AKR1C8: variants seen among roughly 807,000 people sequenced by gnomAD.
AKR1C8 encodes aldo-keto reductase family 1 member C-like protein 1.
At chr10:5,132,001 T>C in the AKR1C8 span, among the ~76,000 whole-genome samples, 1 of 152,164 alleles carries the variant, frequency 6.6e-6, no homozygotes, top group Non-Finnish European at 1.5e-5. Flanking sequence ...ATGGTGTATA[T>C]GTAAAAAGGA....
At chr10:5,119,076 T>C in the AKR1C8 span, among the ~76,000 whole-genome samples, 9 of 152,338 alleles carry the variant, frequency 5.9e-5, no homozygotes, top group Non-Finnish European at 1.2e-4. Context: ...CTTACATGGT[T>C]TGTTTCATTC....
the AKR1C8 span, among the ~76,000 whole-genome samples, chr10:5,126,165 T>C: frequency 1.3e-5 from 2 of 152,000 alleles, no homozygotes; most frequent in Admixed American, 6.6e-5. Flanking sequence ...GGGTCTTCTT[T>C]CCCCCCTTGT....
At chr10:5,147,940 TCCACCCATGCATTA>T in the AKR1C8 span, among the ~76,000 whole-genome samples, 3 of 152,194 alleles carry the variant, frequency 2.0e-5, no homozygotes, top group African/African-American at 7.2e-5. Context: ...GGGTGGGGCC[TCCACCCATGCATTA>T]GGCTTCTGCC....
At chr10:5,133,132 G>C in the AKR1C8 span, among the ~76,000 whole-genome samples, 1 of 152,094 alleles carries the variant, frequency 6.6e-6, no homozygotes, top group East Asian at 1.9e-4. Flanking sequence ...ACCCAGGCTA[G>C]AGTACAGTGG....
At chr10:5,164,768 A>C in the AKR1C8 span, among the ~76,000 whole-genome samples, 3 of 152,110 alleles carry the variant, frequency 2.0e-5, no homozygotes, top group Non-Finnish European at 4.4e-5. Flanking sequence ...AAGAGGTCCT[A>C]AGACAACTGA....
At chr10:5,157,883 CAG>C in the AKR1C8 span, 3 of 389,438 alleles carry the variant, frequency 7.7e-6, no homozygotes, top group African/African-American at 2.1e-5. Flanking sequence ...CCAAATTCTC[CAG>C]AGAGTTGAGA....
At chr10:5,163,081 C>T in the AKR1C8 span, 6 of 460,582 alleles carry the variant, frequency 1.3e-5, no homozygotes, top group South Asian at 1.0e-4. Context: ...AATGCATTTC[C>T]CCCAATAGCA....
the AKR1C8 span, among the ~76,000 whole-genome samples, chr10:5,125,176 T>C: frequency 6.6e-6 from 1 of 152,170 alleles, no homozygotes; most frequent in East Asian, 1.9e-4. Context: ...TAATATCTTT[T>C]TATATTATAT....
chr10:5,144,213 G>C, the AKR1C8 span, among the ~76,000 whole-genome samples: 1 of 152,198 alleles, frequency 6.6e-6, no homozygotes, highest in African/African-American at 2.4e-5. Flanking sequence ...TGAGGGCTCT[G>C]TTCTGTTCCA....
the AKR1C8 span, among the ~76,000 whole-genome samples, chr10:5,163,848 C>T: frequency 1.3e-5 from 2 of 149,900 alleles, no homozygotes; most frequent in Non-Finnish European, 2.9e-5. Flanking sequence ...ATGCCTTTGT[C>T]CCAACATAAA....
chr10:5,145,158 T>G, the AKR1C8 span, among the ~76,000 whole-genome samples: 1 of 152,120 alleles, frequency 6.6e-6, no homozygotes. Flanking sequence ...GCTCTGTTTA[T>G]ATACTGGATT....
chr10:5,172,262 T>A, the AKR1C8 span, among the ~76,000 whole-genome samples: 1 of 152,220 alleles, frequency 6.6e-6, no homozygotes, highest in East Asian at 1.9e-4. Flanking sequence ...ACCTTCACAG[T>A]CAATTTCTGA....
chr10:5,171,532 A>G, the AKR1C8 span, among the ~76,000 whole-genome samples: 1 of 152,162 alleles, frequency 6.6e-6, no homozygotes, highest in Non-Finnish European at 1.5e-5. Flanking sequence ...AAATAAGCCA[A>G]ATTATACTTT....
the AKR1C8 span, among the ~76,000 whole-genome samples, chr10:5,121,657 A>G: frequency 6.6e-6 from 1 of 152,126 alleles, no homozygotes; most frequent in Admixed American, 6.6e-5. Context: ...GCCCATCTCC[A>G]TAAAAATATT....
the AKR1C8 span, among the ~76,000 whole-genome samples, chr10:5,180,688 T>C: frequency 6.6e-6 from 1 of 152,234 alleles, no homozygotes; most frequent in Non-Finnish European, 1.5e-5. Flanking sequence ...GCCTGGGCAA[T>C]GGCGGGTGCC....
the AKR1C8 span, among the ~76,000 whole-genome samples, chr10:5,127,766 C>T: frequency 1.4e-5 from 2 of 141,574 alleles, no homozygotes; most frequent in African/African-American, 2.6e-5. Context: ...AACAAATTAT[C>T]CAAGAAATAT....
the AKR1C8 span, among the ~76,000 whole-genome samples, chr10:5,121,029 A>T: frequency 6.6e-6 from 1 of 151,986 alleles, no homozygotes; most frequent in Non-Finnish European, 1.5e-5. Context: ...TATGCTCTAC[A>T]ACAATCCAGG....
At chr10:5,158,885 A>G in the AKR1C8 span, among the ~76,000 whole-genome samples, 1 of 152,184 alleles carries the variant, frequency 6.6e-6, no homozygotes. Flanking sequence ...CATTTGCCAC[A>G]CTGATACAGT....
At chr10:5,180,473 C>G in the AKR1C8 span, among the ~76,000 whole-genome samples, 4 of 150,408 alleles carry the variant, frequency 2.7e-5, no homozygotes, top group Admixed American at 6.6e-5. Flanking sequence ...AGAGCTCCAG[C>G]TGCATGCTGG....
Sources: allele counts gnomAD v4.1 joint callset (sites outside exome capture counted in the v4.1 genomes callset), GRCh38; gene constraint gnomAD v4.1.1; transcripts MANE v1.5; gene names NCBI Gene and HGNC (gene_info 2026-07-23, HGNC 2026-07-21).